UBR1: variants seen among roughly 807,000 people sequenced by gnomAD.
The protein encoded by UBR1 is ubiquitin protein ligase E3 component n-recognin 1.
In UBR1, 102 loss-of-function variants were observed where a neutral mutation model predicts 242.1. That is an observed-to-expected ratio of 0.42 (90% confidence interval 0.36 to 0.50). The LOEUF is 0.50. Ranked by LOEUF, UBR1 falls within the 20% of genes least tolerant of loss-of-function variation. The probability of loss-of-function intolerance (pLI) is 0.01; values close to 1 mark genes in which losing one functional copy is unlikely to be tolerated. For synonymous variants in UBR1, 675 were observed against 684.8 expected (o/e 0.99, Z 0.22); for missense variants, 1,772 against 2,101.8 (o/e 0.84, Z 3.07).
At chr15:42,990,963 CTTT>C (rs778351226) in intron 33 of UBR1, among the ~76,000 whole-genome samples, 3 of 144,060 alleles carry the variant, frequency 2.1e-5, no homozygotes, top group African/African-American at 7.6e-5. Flanking sequence ...GATTTTTAAT[CTTT>C]TTTTTTTTTT....
chr15:42,956,434 C>G (rs2031922376), intron 44 of UBR1, among the ~76,000 whole-genome samples: 2 of 152,230 alleles, frequency 1.3e-5, no homozygotes, highest in Non-Finnish European at 2.9e-5. Context: ...ATTCTCACGC[C>G]TCAGCCTCCC....
At position 43,059,602 on chromosome 15, in the gene UBR1, AAAG is replaced by A. The variant is rs757569234; in HGVS notation, c.985+97_985+99del. The A allele has an allele frequency of 0.06, 79,104 of 1,312,084 alleles. 1,555 individuals carry two copies. Among genetic ancestry groups the A allele is most frequent in the South Asian group, 0.092 (5,566 of 60,390 alleles). The allele number at this position is 1,312,084 out of a possible 1,614,324, so 81.3% of individuals were successfully genotyped here. On this transcript the variant is annotated intron_variant, in intron 8 of 46. Transcript: ENST00000290650. ...AGTGTATAAACCAAAAAAAAAAAAA[AAAG>A]AAAAACTTTATTTCATACTCAATGA...
In UBR1 at chr15:43,017,156, C is replaced by T; in HGVS notation, c.2966G>A (p.Arg989Lys). 6.2e-7 allele frequency: 1 copy of T among 1,613,552 alleles called. No individual in the cohort carries two copies. Among genetic ancestry groups the T allele is most frequent in the Non-Finnish European group, 8.5e-7 (1 of 1,179,918 alleles). The change falls in exon 28 of 47, where the codon AGA (arginine) becomes AAA (lysine). Residue 989 changes from arginine to lysine, a missense_variant. Coordinates refer to ENST00000290650, the MANE Select transcript of UBR1 (RefSeq NM_174916.3). ...TGCTACAATTAAACAAGATTTTTCT[C>T]TTAATCGCTTCACTGTGTCAAACAT... is the stretch of plus-strand genomic sequence containing the variant. ...LQMFDTVKRLREKSCLIVATT... is the reference protein window; with the variant it reads ...LQMFDTVKRLKEKSCLIVATT...
chr15:43,070,501 T>C (rs1469904583), intron 5 of UBR1, among the ~76,000 whole-genome samples: 1 of 152,116 alleles, frequency 6.6e-6, no homozygotes, highest in Non-Finnish European at 1.5e-5. Flanking sequence ...CCTAGTGGGA[T>C]GAGAGGCTGC....
At chr15:42,960,376 T>C (rs2031994950) in intron 43 of UBR1, among the ~76,000 whole-genome samples, 1 of 152,194 alleles carries the variant, frequency 6.6e-6, no homozygotes, top group East Asian at 1.9e-4. Flanking sequence ...TCCTCCAACT[T>C]TGCCTTTTGA....
intron 30 of UBR1, 107 bp downstream of exon 30, chr15:43,006,972 G>C: frequency 1.0e-6 from 1 of 1,004,176 alleles, no homozygotes; most frequent in Non-Finnish European, 1.5e-6. Flanking sequence ...ATAATGGTAT[G>C]GTAGATATAT....
chr15:43,037,737 C>T (rs1178851204), intron 17 of UBR1, 36 bp downstream of exon 17: 1 of 1,556,232 alleles, frequency 6.4e-7, no homozygotes, highest in Admixed American at 1.7e-5. Flanking sequence ...AGAAAATGAG[C>T]ACATTCATAA....
chr15:43,022,884 G>T, intron 25 of UBR1, 83 bp from the exon 26 acceptor site: 1 of 855,598 alleles, frequency 1.2e-6, no homozygotes, highest in Non-Finnish European at 1.8e-6. Context: ...TTTTTTCAGA[G>T]ACTGGTCTCA....
chr15:42,979,165 T>A (rs991125184), intron 37 of UBR1, among the ~76,000 whole-genome samples: 1 of 151,966 alleles, frequency 6.6e-6, no homozygotes, highest in Non-Finnish European at 1.5e-5. Flanking sequence ...AATGCTGGGA[T>A]TACAGGCATG....
chr15:43,056,396 C>T lies in UBR1; in HGVS notation c.1229G>A (p.Arg410Lys). ...QKEYISDDHDRSISITALSVQ... is the reference protein window; with the variant it reads ...QKEYISDDHDKSISITALSVQ... ...TGAAAGTGCAGTTATAGAGATACTT[C>T]TGTCATGATCATCACTGATATATTC... Residue 410 changes from arginine (R) to lysine (K), a missense_variant, in exon 11 of 47, where the codon AGA (arginine) becomes AAA (lysine). Around this residue, in one of 3 missense-constraint regions of UBR1, gnomAD observed 734 missense variants for 893.3 expected, o/e 0.82. Transcript: ENST00000290650. 1 of 1,612,548 alleles carries T rather than the reference C, an allele frequency of 6.2e-7. No individual in the cohort carries two copies. Among genetic ancestry groups the T allele is most frequent in the Non-Finnish European group, 8.5e-7 (1 of 1,178,694 alleles).
intron 12 of UBR1, among the ~76,000 whole-genome samples, chr15:43,049,318 CT>C (rs1311671453): frequency 6.6e-6 from 1 of 152,174 alleles, no homozygotes; most frequent in Non-Finnish European, 1.5e-5. Flanking sequence ...AATCCCAGCA[CT>C]TTAGGAGGCC....
chr15:42,987,086 C>T (rs1214516540), intron 35 of UBR1, among the ~76,000 whole-genome samples: 2 of 152,228 alleles, frequency 1.3e-5, no homozygotes, highest in African/African-American at 4.8e-5. Context: ...CTGGGCTCGG[C>T]CCAAGATGTC....
In UBR1 at chr15:42,945,444, C is replaced by T. The variant is rs141828250; in HGVS notation, c.5135G>A (p.Arg1712His). The change falls in exon 47 of 47, where the codon CGT becomes CAT. Residue 1712 changes from arginine to histidine, a missense_variant. Coordinates refer to ENST00000290650, the MANE Select transcript of UBR1 (RefSeq NM_174916.3). ...CAAATGGAGCTTCCGATACCGCTCACGAGATAAATGAAGGGGGTTGCCCCT... is the reference window on the plus strand; with the variant it reads ...CAAATGGAGCTTCCGATACCGCTCATGAGATAAATGAAGGGGGTTGCCCCT... ...LKRGNPLHLS[R>H]ERYRKLHLVW... 1.4e-3 allele frequency: 2,226 copies of T among 1,613,884 alleles called. 8 individuals are homozygous for T. Among genetic ancestry groups the T allele is most frequent in the East Asian group, 8.6e-3 (386 of 44,860 alleles).
At chr15:43,023,598 CAAAAAAAAAAAAA>C (rs35071600) in intron 25 of UBR1, among the ~76,000 whole-genome samples, 8 of 39,956 alleles carry the variant, frequency 2.0e-4, no homozygotes, top group Non-Finnish European at 2.7e-4. Context: ...AACTCCATCT[CAAAAAAAAAAAAA>C]AAAAAAAAAA....
At chr15:42,995,011 A>G (rs982642076) in intron 33 of UBR1, among the ~76,000 whole-genome samples, 9 of 152,172 alleles carry the variant, frequency 5.9e-5, no homozygotes, top group African/African-American at 7.2e-5. Flanking sequence ...TATGTTCAGT[A>G]TTTTCTTCCC....
chr15:43,088,252 G>A (rs1029083064), intron 1 of UBR1, among the ~76,000 whole-genome samples: 3 of 152,270 alleles, frequency 2.0e-5, no homozygotes. Context: ...TCATCCAAGT[G>A]TGAAAATATA....
chr15:43,020,106 C>G (rs1481985361), intron 27 of UBR1, among the ~76,000 whole-genome samples: 1 of 152,136 alleles, frequency 6.6e-6, no homozygotes. Flanking sequence ...GTGGTGCGAT[C>G]TTGGCTCACC....
At position 43,041,380 on chromosome 15, in the gene UBR1, G is replaced by T. The variant is rs184506425; in HGVS notation, c.1849+1835C>A. On this transcript the variant is annotated intron_variant, in intron 15 of 46. Transcript: ENST00000290650. ...ACACTGCATGTTCTCACTCATAGGT[G>T]GGAATTGAATAATGAGAACACCTGG... Among the ~76,000 whole-genome samples the T allele has an allele frequency of 3.9e-5, 6 of 152,232 alleles. No homozygotes were observed. The East Asian group carries it at 1.2e-3, about 29-fold the overall frequency.
At chr15:43,104,635 A>C (rs531516402) in intron 1 of UBR1, among the ~76,000 whole-genome samples, 20 of 152,148 alleles carry the variant, frequency 1.3e-4, no homozygotes, top group African/African-American at 4.8e-4. Context: ...GAGTTGACTC[A>C]TGCCGTAGCT....
Sources: allele counts gnomAD v4.1 joint callset (sites outside exome capture counted in the v4.1 genomes callset), GRCh38; gene constraint gnomAD v4.1.1; regional missense constraint gnomAD v4.1.1; transcripts MANE v1.5; gene names NCBI Gene and HGNC (gene_info 2026-07-23, HGNC 2026-07-21).